Variants in ENTPD2 observed in about 807,000 individuals in gnomAD.
ENTPD2 encodes ectonucleoside triphosphate diphosphohydrolase 2.
ENTPD2 carries 48 observed loss-of-function variants against 46.8 expected under a neutral mutation model. The observed-to-expected ratio is 1.03, with a 90% CI of 0.81 to 1.30. The LOEUF (loss-of-function observed/expected upper bound fraction) is 1.30. Among genes scored for constraint, ENTPD2 ranks in the 50% most tolerant of loss-of-function variants. ENTPD2 has a pLI of 0.00. For synonymous variants in ENTPD2, 316 were observed against 286.1 expected, an observed-to-expected ratio of 1.10 and a Z score of -1.06; for missense variants, 707 against 651.1, an observed-to-expected ratio of 1.09 and a Z score of -0.93.
chr9:137,049,723 G>A (rs1217925557), intron 7 of ENTPD2, 147 bp downstream of exon 7: 6 of 938,102 alleles, frequency 6.4e-6, no homozygotes, highest in African/African-American at 3.4e-5. Flanking sequence ...CCACAGCCAC[G>A]CCACCTCTGG....
chr9:137,050,414 C>CT lies in ENTPD2; in HGVS notation c.898dup (p.Ser300LysfsTer7). On this transcript the variant is annotated frameshift_variant, in exon 6 of 9. Coordinates refer to ENST00000355097, the MANE Select transcript of ENTPD2 (RefSeq NM_203468.3). LOFTEE classifies it high-confidence loss of function. ...GTGGGGGTCACTGCTCCCTGACAGG[C>CT]TGACCCTGGCACTGCTGTTGAAGTT... 1.2e-6 allele frequency: 2 copies of CT among 1,612,980 alleles called. No individual in the cohort carries two copies. The highest frequency in any genetic ancestry group is 1.7e-4 in the Middle Eastern group (1 of 6,060).
intron 2 of ENTPD2, 93 bp from the exon 3 acceptor site, chr9:137,051,753 G>A: frequency 6.9e-7 from 1 of 1,459,462 alleles, no homozygotes; most frequent in Non-Finnish European, 9.0e-7. Context: ...GGGGGCCGTG[G>A]GCTCCCAGAC....
Position 137,051,317 on chromosome 9 carries a change from A to G in ENTPD2, c.440T>C (p.Leu147Pro). 2 of 1,597,362 alleles carry G rather than the reference A, an allele frequency of 1.3e-6. No individual in the cohort carries two copies. Among genetic ancestry groups the G allele is most frequent in the East Asian group, 2.2e-5 (1 of 44,666 alleles). ...TSVLMAVTHT[L>P]TQYPFDFRGA... Reference sequence around the variant, plus strand: ...CCGGAAGTCAAAGGGGTACTGGGTCAGTGTGTGAGTCACTGCCATGAGCAC... The same window carrying G: ...CCGGAAGTCAAAGGGGTACTGGGTCGGTGTGTGAGTCACTGCCATGAGCAC... Residue 147 changes from leucine to proline, a missense_variant, in exon 4 of 9, where the codon CTG becomes CCG. Transcript: ENST00000355097.
intron 1 of ENTPD2, 81 bp downstream of exon 1, chr9:137,053,800 A>T: frequency 6.3e-6 from 6 of 957,502 alleles, no homozygotes; most frequent in Non-Finnish European, 8.1e-6. Flanking sequence ...GATCCTGCTC[A>T]GGTTCCCAGC....
At chr9:137,053,104 C>G (rs2131516712) in intron 1 of ENTPD2, 1 of 152,492 alleles carries the variant, frequency 6.6e-6, no homozygotes, top group East Asian at 1.9e-4. Context: ...CCGCACCAGT[C>G]CATCCCGACC....
In ENTPD2 at chr9:137,048,750, G is replaced by A. The variant is rs747269810; in HGVS notation, c.1395C>T (p.Val465=). 2.5e-6 allele frequency: 4 copies of A among 1,603,764 alleles called. No homozygotes were observed. In the African/African-American group the frequency reaches 4.0e-5, roughly 16 times the overall value. The change falls in exon 9 of 9, where the codon GTC becomes GTT. Residue 465 remains valine (V), a synonymous_variant. Coordinates refer to ENST00000355097, the MANE Select transcript of ENTPD2 (RefSeq NM_203468.3). ...LRKGTDFSSW[V]VLLLLFASAL... The stretch of plus-strand genomic sequence containing the variant: ...CGGAGGCGAAGAGCAGCAGGAGGAC[G>A]ACCCAGGAGCTGAAGTCTGTGCCCT...
Position 137,050,527 on chromosome 9 carries a change from G to A in ENTPD2, c.786C>T (p.Phe262=), listed in dbSNP as rs1309074430. The A allele has an allele frequency of 6.2e-7, 1 of 1,612,456 alleles. No homozygotes were observed. ...LLASALQTHG[F]HPCWPRGFST... ...AAAAGCCCCTCGGCCAGCAGGGGTG[G>A]AAGCCGTGGGTCTGGGGGAATCACC... The change falls in exon 6 of 9, where the codon TTC becomes TTT. Residue 262 remains phenylalanine (F), a synonymous_variant. Transcript: ENST00000355097.
Position 137,048,726 on chromosome 9 carries a change from G to C in ENTPD2, c.1419C>G (p.Ser473=). The change falls in exon 9 of 9, where the codon TCC becomes TCG. Residue 473 remains serine, a synonymous_variant. Coordinates refer to ENST00000355097, the MANE Select transcript of ENTPD2 (RefSeq NM_203468.3). ...GCAGGACAAGCGCAGCCAGGAGCGC[G>C]GAGGCGAAGAGCAGCAGGAGGACGA... ...SWVVLLLLFA[S]ALLAALVLLL... is the part of the protein sequence containing the mutation. The C allele has an allele frequency of 1.2e-6, 2 of 1,606,006 alleles. No homozygotes were observed. Among genetic ancestry groups the C allele is most frequent in the South Asian group, 2.2e-5 (2 of 90,020 alleles).
chr9:137,051,635 G>A lies in ENTPD2; in HGVS notation c.261C>T (p.Asp87=), dbSNP rs139445252. The change falls in exon 3 of 9, where the codon GAC becomes GAT. Residue 87 remains aspartate (D), a synonymous_variant. Coordinates refer to ENST00000355097, the MANE Select transcript of ENTPD2 (RefSeq NM_203468.3). ...VPGGGISSYA[D]NPSGASQSLV... is the part of the protein sequence containing the mutation. Reference sequence around the variant, plus strand: ...GACTCTGGCTGGCCCCAGAAGGGTTGTCTGCATAGCTGGAGATGCCCCCAC... The same window carrying A: ...GACTCTGGCTGGCCCCAGAAGGGTTATCTGCATAGCTGGAGATGCCCCCAC... The A allele has an allele frequency of 3.3e-3, 5,328 of 1,612,234 alleles. 58 individuals are homozygous for A. The highest frequency in any genetic ancestry group is 7.1e-3 in the Middle Eastern group (43 of 6,044).
chr9:137,053,203 G>A (rs935505221), intron 1 of ENTPD2: 1 of 152,510 alleles, frequency 6.6e-6, no homozygotes, highest in Non-Finnish European at 1.5e-5. Context: ...CCCTGCTTCT[G>A]ACTCCCCATC....
At position 137,052,241 on chromosome 9, in the gene ENTPD2, A is replaced by G; in HGVS notation, c.225T>C (p.Cys75=). Residue 75 remains cysteine (C), a synonymous_variant, in exon 2 of 9, where the codon TGT becomes TGC. Transcript: ENST00000355097. ...TGGGCTGGGCCTCACCTGGAACATC[A>G]CAGGAGCTGTGCTGGCCCACAATGC... ...DTGIVGQHSS[C]DVPGGGISSY... is the part of the protein sequence containing the mutation. 1 of 1,612,246 alleles carries G rather than the reference A, an allele frequency of 6.2e-7. No individual in the cohort carries two copies. Among genetic ancestry groups the G allele is most frequent in the Non-Finnish European group, 8.5e-7 (1 of 1,179,624 alleles).
chr9:137,050,980 G>A lies in ENTPD2; in HGVS notation c.696C>T (p.His232=). The A allele has an allele frequency of 1.2e-6, 2 of 1,607,936 alleles. No individual in the cohort carries two copies. The highest frequency in any genetic ancestry group is 1.7e-6 in the Non-Finnish European group (2 of 1,178,128). Reference sequence around the variant, plus strand: ...GGAAGCTGTGGGTGTAGACTCGGTAGTGCTGGCCGTAGAGATGCAGCTGGA... The same window carrying A: ...GGAAGCTGTGGGTGTAGACTCGGTAATGCTGGCCGTAGAGATGCAGCTGGA... ...SEVQLHLYGQ[H]YRVYTHSFLC... Residue 232 remains histidine, a synonymous_variant, in exon 5 of 9, where the codon CAC becomes CAT. Coordinates refer to ENST00000355097, the MANE Select transcript of ENTPD2 (RefSeq NM_203468.3).
Position 137,050,536 on chromosome 9 carries a change from G to A in ENTPD2, c.777C>T (p.Thr259=), listed in dbSNP as rs1832262668. The change falls in exon 6 of 9, where the codon ACC becomes ACT. Residue 259 remains threonine, a splice_region_variant and synonymous_variant. Transcript: ENST00000355097. ...TCGGCCAGCAGGGGTGGAAGCCGTG[G>A]GTCTGGGGGAATCACCAGCGTGACA... The part of the protein sequence containing the change: ...LQRLLASALQ[T]HGFHPCWPRG... 1.9e-6 allele frequency: 3 copies of A among 1,611,138 alleles called. No homozygotes were observed. Among genetic ancestry groups the A allele is most frequent in the Non-Finnish European group, 2.5e-6 (3 of 1,178,792 alleles).
chr9:137,048,892 G>GAGGCCCCGCCCCGCAAGGT (rs1832195931), intron 8 of ENTPD2, 32 bp from the exon 9 acceptor site: 1 of 1,504,302 alleles, frequency 6.6e-7, no homozygotes, highest in Admixed American at 2.2e-5. Context: ...CAGCTCCCGA[G>GAGGCCCCGCCCCGCAAGGT]AGGCCCCGCC....
At chr9:137,049,609 G>A (rs574311937) in intron 7 of ENTPD2, 93 of 488,878 alleles carry the variant, frequency 1.9e-4, no homozygotes, top group Admixed American at 3.5e-4. Flanking sequence ...AGTGGCAGAA[G>A]CCAGAAACCT....
intron 5 of ENTPD2, 119 bp from the exon 6 acceptor site, chr9:137,050,657 G>C (rs1454716998): frequency 1.4e-6 from 2 of 1,432,156 alleles, no homozygotes; most frequent in Admixed American, 4.6e-5. Flanking sequence ...GCAATCCATG[G>C]CTCCCCACTG....
At position 137,050,537 on chromosome 9, in the gene ENTPD2, G is replaced by C. The variant is rs764362875; in HGVS notation, c.776C>G (p.Thr259Ser). ...CGGCCAGCAGGGGTGGAAGCCGTGG[G>C]TCTGGGGGAATCACCAGCGTGACAG... ...LQRLLASALQ[T>S]HGFHPCWPRG... Residue 259 changes from threonine to serine, a missense_variant and splice_region_variant, in exon 6 of 9, where the codon ACC becomes AGC. By Grantham distance (58) the Thr-to-Ser change is moderately conservative. Transcript: ENST00000355097. The C allele has an allele frequency of 1.6e-5, 26 of 1,611,106 alleles. No individual in the cohort carries two copies. Among genetic ancestry groups the C allele is most frequent in the Non-Finnish European group, 2.0e-5 (23 of 1,178,848 alleles).
intron 1 of ENTPD2, 95 bp from the exon 2 acceptor site, chr9:137,052,443 C>CA: frequency 1.1e-6 from 1 of 904,868 alleles, no homozygotes; most frequent in Non-Finnish European, 1.6e-6. Flanking sequence ...TTTGCCACCG[C>CA]TCCCCCCCCC....
chr9:137,052,534 G>C, intron 1 of ENTPD2, 186 bp from the exon 2 acceptor site: 1 of 530,482 alleles, frequency 1.9e-6, no homozygotes, highest in Non-Finnish European at 3.4e-6. Context: ...AAGGAGAACA[G>C]GGAGGTGGTG....
Sources: allele counts gnomAD v4.1 joint callset, GRCh38; gene constraint gnomAD v4.1.1; transcripts MANE v1.5; gene names NCBI Gene and HGNC (gene_info 2026-07-23, HGNC 2026-07-21).